Variants in PCDHA3 observed in about 807,000 individuals in gnomAD.
PCDHA3 encodes protocadherin alpha-3.
Under a neutral mutation model 62.2 loss-of-function variants are expected in PCDHA3, and 41 were observed. The ratio of observed to expected loss-of-function variants is 0.66; its 90% CI spans 0.51 to 0.86. The LOEUF (loss-of-function observed/expected upper bound fraction) is 0.86, where lower values mean the gene tolerates loss of function less well. Ranked by LOEUF, PCDHA3 falls within the 40% of genes least tolerant of loss-of-function variation. The pLI, the probability that PCDHA3 is intolerant of heterozygous loss-of-function variation, is 0.00. For missense variants in PCDHA3, 1,304 were observed against 1,241.2 expected (o/e 1.05, Z -0.76); for synonymous variants, 640 against 555.4 (o/e 1.15, Z -2.14).
rs375103611 is a variant in PCDHA3 at position 140,888,367 on chromosome 5, A to G, written c.2394+84776A>G. ...AGGGAATTGCTACTGGCATCTAATAATGGAGCTCTGAGATGCTGCTAAACA... is the reference window on the plus strand; with the variant it reads ...AGGGAATTGCTACTGGCATCTAATAGTGGAGCTCTGAGATGCTGCTAAACA... On this transcript the variant is annotated intron_variant, in intron 1 of 3. Coordinates refer to ENST00000522353, the MANE Select transcript of PCDHA3 (RefSeq NM_018906.3). 3.2e-4 allele frequency among the ~76,000 whole-genome samples: 49 copies of G among 152,322 alleles called. 1 individual carries two copies. In the East Asian group the frequency reaches 7.7e-3, roughly 24 times the overall value.
chr5:140,876,819 C>G (rs781959784), intron 1 of PCDHA3: 4 of 1,614,180 alleles, frequency 2.5e-6, no homozygotes, highest in Non-Finnish European at 3.4e-6. Context: ...CCGACGTGAA[C>G]GACAATGCGC....
In PCDHA3 at chr5:140,806,050, C is replaced by T. The variant is rs114948794; in HGVS notation, c.2394+2459C>T. Among the ~76,000 whole-genome samples the T allele has an allele frequency of 6.5e-3, 995 of 152,236 alleles. 12 individuals carry two copies. Among genetic ancestry groups the T allele is most frequent in the Non-Finnish European group, 9.3e-3 (633 of 68,002 alleles). On this transcript the variant is annotated intron_variant, in intron 1 of 3. Coordinates refer to ENST00000522353, the MANE Select transcript of PCDHA3 (RefSeq NM_018906.3). ...ATAAATTAATGTAATAAATGGCCCA[C>T]GCGATTCCACCCTGGTGCTGCAGTT...
At chr5:140,856,926 G>A (rs782283116) in intron 1 of PCDHA3, 1 of 1,594,828 alleles carries the variant, frequency 6.3e-7, no homozygotes, top group South Asian at 1.1e-5. Context: ...AGGAAATTTT[G>A]GATAAACGAA....
chr5:140,801,346 A>G lies in PCDHA3; in HGVS notation c.149A>G (p.Gln50Arg), dbSNP rs1554121412. Residue 50 changes from glutamine to arginine, a missense_variant, in exon 1 of 4, where the codon CAG becomes CGG. Physicochemically the swap from Gln to Arg is conservative, Grantham distance 43 (BLOSUM62 1). Transcript: ENST00000522353. Reference sequence around the variant, plus strand: ...GGCACCTTCGTGGGCCGCATCGCGCAGGACCTGGGGCTGGAGCTGGCGGAG... The same window carrying G: ...GGCACCTTCGTGGGCCGCATCGCGCGGGACCTGGGGCTGGAGCTGGCGGAG... ...KHGTFVGRIA[Q>R]DLGLELAELV... 6.2e-7 allele frequency: 1 copy of G among 1,613,340 alleles called. No individual in the cohort carries two copies.
intron 1 of PCDHA3, chr5:140,875,290 A>AT (rs1231810985): frequency 7.9e-6 from 11 of 1,396,906 alleles, no homozygotes; most frequent in Non-Finnish European, 1.0e-5. Context: ...AAACAGGAAA[A>AT]TTTTTTTCTC....
At position 140,960,310 on chromosome 5, in the gene PCDHA3, C is replaced by A. The variant is rs143765051; in HGVS notation, c.2395-18639C>A. Among the ~76,000 whole-genome samples, 659 of 152,264 alleles carry A rather than the reference C, an allele frequency of 4.3e-3. 9 individuals are homozygous for A. Among genetic ancestry groups the A allele is most frequent in the Admixed American group, 4.1e-3 (63 of 15,288 alleles). ...CCAGTTTCTTCATCAATACCAACCTCATTAGGGTCCTGTGAGAAGTACATG... is the reference window on the plus strand; with the variant it reads ...CCAGTTTCTTCATCAATACCAACCTAATTAGGGTCCTGTGAGAAGTACATG... On this transcript the variant is annotated intron_variant, in intron 1 of 3. Transcript: ENST00000522353.
intron 1 of PCDHA3, chr5:140,884,339 G>A (rs1178682525): frequency 6.2e-7 from 1 of 1,613,788 alleles, no homozygotes; most frequent in Non-Finnish European, 8.5e-7. Context: ...GGGTCCAGAA[G>A]CGGCGCTGGT....
intron 1 of PCDHA3, chr5:140,852,515 A>G (rs1258070118): frequency 9.7e-6 from 3 of 310,304 alleles, no homozygotes; most frequent in African/African-American, 6.9e-5. Flanking sequence ...TGACCTTGTG[A>G]TGCTCCCACC....
intron 1 of PCDHA3, chr5:140,869,446 C>A (rs2051137912): frequency 1.2e-6 from 2 of 1,614,070 alleles, no homozygotes; most frequent in Admixed American, 1.7e-5. Context: ...CAGGCCGCTG[C>A]AGGTTTTCCA....
intron 3 of PCDHA3, among the ~76,000 whole-genome samples, chr5:140,991,982 A>ACCAC (rs2097483325): frequency 6.6e-6 from 1 of 151,494 alleles, no homozygotes; most frequent in African/African-American, 2.4e-5. Context: ...TATTCTGCCT[A>ACCAC]CCACCCGGTC....
intron 1 of PCDHA3, chr5:140,841,078 T>C: frequency 3.8e-6 from 2 of 527,688 alleles, no homozygotes; most frequent in Non-Finnish European, 6.6e-6. Flanking sequence ...AAATAGAAAG[T>C]GCATAGAAGA....
chr5:140,823,834 G>A (rs1197490910), intron 1 of PCDHA3: 1 of 1,613,838 alleles, frequency 6.2e-7, no homozygotes, highest in Non-Finnish European at 8.5e-7. Context: ...GGGCGCTGTG[G>A]GTCCCGAGGC....
intron 1 of PCDHA3, chr5:140,883,519 C>A: frequency 6.2e-7 from 1 of 1,614,190 alleles, no homozygotes; most frequent in Non-Finnish European, 8.5e-7. Flanking sequence ...ACCGCGAGAG[C>A]GTATCAGCCT....
chr5:140,965,374 G>A (rs1554227648), intron 1 of PCDHA3, among the ~76,000 whole-genome samples: 1 of 152,098 alleles, frequency 6.6e-6, no homozygotes, highest in Admixed American at 6.6e-5. Flanking sequence ...AGGAAACTTG[G>A]GGACACAGAA....
In PCDHA3 at chr5:140,802,485, G is replaced by C; in HGVS notation, c.1288G>C (p.Gly430Arg). The C allele has an allele frequency of 6.2e-7, 1 of 1,614,166 alleles. No individual in the cohort carries two copies. Among genetic ancestry groups the C allele is most frequent in the Non-Finnish European group, 8.5e-7 (1 of 1,180,022 alleles). ...TGAGCTGGTGGTGACTGCTCGGGACGGGGGCTCGCCTTCACTGTGGGCCAC... is the reference window on the plus strand; with the variant it reads ...TGAGCTGGTGGTGACTGCTCGGGACCGGGGCTCGCCTTCACTGTGGGCCAC... ...AYELVVTARD[G>R]GSPSLWATAS... Residue 430 changes from glycine to arginine, a missense_variant, in exon 1 of 4, where the codon GGG becomes CGG. Coordinates refer to ENST00000522353, the MANE Select transcript of PCDHA3 (RefSeq NM_018906.3).
At chr5:140,834,720 C>G in intron 1 of PCDHA3, 1 of 1,614,234 alleles carries the variant, frequency 6.2e-7, no homozygotes, top group Non-Finnish European at 8.5e-7. Context: ...CGTGGAAAGG[C>G]CGCTGCAGGT....
At chr5:140,916,967 G>T (rs1215722713) in intron 1 of PCDHA3, among the ~76,000 whole-genome samples, 1 of 152,194 alleles carries the variant, frequency 6.6e-6, no homozygotes, top group African/African-American at 2.4e-5. Flanking sequence ...TGACTGCTGG[G>T]ATGAGTGATT....
rs532609088 is a variant in PCDHA3, at chr5:140,890,699, T to A, written c.2394+87108T>A. 2.6e-5 allele frequency among the ~76,000 whole-genome samples: 4 copies of A among 152,312 alleles called. No homozygotes were observed. In the East Asian group the frequency reaches 7.7e-4, roughly 29 times the overall value. On this transcript the variant is annotated intron_variant, in intron 1 of 3. Transcript: ENST00000522353. ...CTCCTTCTGGGAAATGCAGGGACCT[T>A]ACATTTTTAAAATCTTTTTAATCCC... is the stretch of plus-strand genomic sequence containing the variant.
chr5:140,821,972 C>G (rs2150112402), intron 1 of PCDHA3: 25 of 1,614,136 alleles, frequency 1.5e-5, no homozygotes, highest in Non-Finnish European at 2.1e-5. Context: ...TTCCGGGTGG[C>G]GTCCAAGGGC....
Sources: allele counts gnomAD v4.1 joint callset (sites outside exome capture counted in the v4.1 genomes callset), GRCh38; gene constraint gnomAD v4.1.1; transcripts MANE v1.5; gene names NCBI Gene and HGNC (gene_info 2026-07-23, HGNC 2026-07-21).